The following ENTHD1 variants were observed in gnomAD, a reference collection of about 807,000 sequenced individuals.
ENTHD1 encodes the protein ENTH domain-containing protein 1.
In ENTHD1, 23 loss-of-function variants were observed where a neutral mutation model predicts 39.1. That is an observed-to-expected ratio of 0.59 (90% CI 0.42 to 0.83). The LOEUF (loss-of-function observed/expected upper bound fraction) is 0.83, where lower values mean the gene tolerates loss of function less well. ENTHD1 is among the 40% of genes least tolerant of loss of function. ENTHD1 has a pLI of 0.00. For missense variants in ENTHD1, 624 were observed against 705.4 expected, an observed-to-expected ratio of 0.88 and a Z score of 1.31; for synonymous variants, 230 against 258.2, an observed-to-expected ratio of 0.89 and a Z score of 1.05.
chr22:39,876,750 T>C (rs1175117066), intron 2 of ENTHD1, among the ~76,000 whole-genome samples: 3 of 152,186 alleles, frequency 2.0e-5, no homozygotes, highest in African/African-American at 7.2e-5. Context: ...AAGTAATTTG[T>C]AGTGAAGAAA....
intron 5 of ENTHD1, among the ~76,000 whole-genome samples, chr22:39,795,545 A>C (rs2065541622): frequency 6.6e-6 from 1 of 150,798 alleles, no homozygotes; most frequent in Non-Finnish European, 1.5e-5. Context: ...CTCCCATTTC[A>C]GCCTCCCAAG....
At chr22:39,834,247 T>C (rs1203273567) in intron 4 of ENTHD1, among the ~76,000 whole-genome samples, 2 of 152,102 alleles carry the variant, frequency 1.3e-5, no homozygotes, top group Non-Finnish European at 2.9e-5. Context: ...GACAAAGAAC[T>C]TATATCCAGA....
chr22:39,864,525 A>ATTGTTTG (rs2146730785), intron 2 of ENTHD1, among the ~76,000 whole-genome samples: 1 of 152,158 alleles, frequency 6.6e-6, no homozygotes, highest in African/African-American at 2.4e-5. Context: ...TTACTTATTT[A>ATTGTTTG]TTGTTTGTTT....
At chr22:39,749,856 T>A (rs2065135383) in intron 6 of ENTHD1, among the ~76,000 whole-genome samples, 1 of 152,178 alleles carries the variant, frequency 6.6e-6, no homozygotes, top group South Asian at 2.1e-4. Flanking sequence ...GGCTGGGCAC[T>A]GGGTTGATCT....
At chr22:39,777,182 G>C (rs2065371688) in intron 5 of ENTHD1, among the ~76,000 whole-genome samples, 1 of 152,236 alleles carries the variant, frequency 6.6e-6, no homozygotes, top group Admixed American at 6.5e-5. Flanking sequence ...TTTGCTAAGA[G>C]GCCACAGTTA....
chr22:39,756,316 T>TCA (rs924008247), intron 6 of ENTHD1, among the ~76,000 whole-genome samples: 16,053 of 137,684 alleles, frequency 0.12, 986 homozygotes, highest in Middle Eastern at 0.14. Flanking sequence ...TCTCTCTCTC[T>TCA]CACACACACA....
chr22:39,829,788 C>CTCAA (rs893506616), intron 4 of ENTHD1, among the ~76,000 whole-genome samples: 2 of 93,814 alleles, frequency 2.1e-5, no homozygotes, highest in African/African-American at 7.2e-5. Context: ...GAGACTCTGT[C>CTCAA]TCAATAAATA....
intron 3 of ENTHD1, among the ~76,000 whole-genome samples, chr22:39,850,077 A>G (rs1232349533): frequency 1.3e-5 from 2 of 152,164 alleles, no homozygotes; most frequent in African/African-American, 2.4e-5. Flanking sequence ...AGATTTTTGG[A>G]AATGTAAAGA....
In ENTHD1 at chr22:39,806,051, C is replaced by G. The variant is rs572893951; in HGVS notation, c.832+14942G>C. ...CTCATTCACTTGTAGCCCTCTACAA[C>G]CTACTAATTTCAGTGAATACCCCAA... is the stretch of plus-strand genomic sequence containing the variant. On this transcript the variant is annotated intron_variant, in intron 5 of 6. Transcript: ENST00000325157. 3.3e-5 allele frequency among the ~76,000 whole-genome samples: 5 copies of G among 152,296 alleles called. No homozygotes were observed. The East Asian group carries it at 9.6e-4, about 29-fold the overall frequency.
At position 39,889,992 on chromosome 22, in the gene ENTHD1, G is replaced by A. The variant is rs541103004; in HGVS notation, c.-155-2089C>T. Among the ~76,000 whole-genome samples the A allele has an allele frequency of 4.1e-4, 63 of 152,018 alleles. No individual in the cohort carries two copies. The South Asian group carries it at 0.012, about 29-fold the overall frequency. ...ACACACCTGTAATCCCAGCTACTTG[G>A]GAGACTGAGGCATAAGAATCACTGG... On this transcript the variant is annotated intron_variant, in intron 1 of 6. Coordinates refer to ENST00000325157, the MANE Select transcript of ENTHD1 (RefSeq NM_152512.4).
At chr22:39,792,773 C>T (rs993732879) in intron 5 of ENTHD1, among the ~76,000 whole-genome samples, 1 of 152,116 alleles carries the variant, frequency 6.6e-6, no homozygotes, top group Non-Finnish European at 1.5e-5. Flanking sequence ...CATCGTTTTT[C>T]TTTGAATGTC....
chr22:39,803,384 C>T (rs2065614818), intron 5 of ENTHD1, among the ~76,000 whole-genome samples: 2 of 152,126 alleles, frequency 1.3e-5, no homozygotes. Flanking sequence ...ACTACCCTAA[C>T]TAAAGTTGTT....
intron 2 of ENTHD1, among the ~76,000 whole-genome samples, chr22:39,878,241 A>G (rs2066307388): frequency 6.6e-6 from 1 of 152,240 alleles, no homozygotes; most frequent in African/African-American, 2.4e-5. Context: ...TCTCAATAGA[A>G]ACCACTAAAA....
chr22:39,810,851 A>G (rs940009991), intron 5 of ENTHD1, among the ~76,000 whole-genome samples: 1 of 152,206 alleles, frequency 6.6e-6, no homozygotes, highest in Admixed American at 6.5e-5. Context: ...GAATCAGTTA[A>G]CTTTCATGTG....
At chr22:39,803,510 G>C (rs2065615750) in intron 5 of ENTHD1, among the ~76,000 whole-genome samples, 1 of 152,138 alleles carries the variant, frequency 6.6e-6, no homozygotes, top group Admixed American at 6.5e-5. Context: ...CTTGAAGGCA[G>C]AGTCTGCCAT....
chr22:39,801,678 G>T (rs10483199), intron 5 of ENTHD1, among the ~76,000 whole-genome samples: 4,629 of 152,290 alleles, frequency 0.03, 238 homozygotes, highest in African/African-American at 0.11. Flanking sequence ...ACTTCAGGAA[G>T]AATGAAGCTG....
At chr22:39,783,957 G>A (rs990430001) in intron 5 of ENTHD1, among the ~76,000 whole-genome samples, 1 of 152,084 alleles carries the variant, frequency 6.6e-6, no homozygotes, top group African/African-American at 2.4e-5. Flanking sequence ...ACAAAGTGAA[G>A]AGGCAACCCA....
At chr22:39,881,716 A>G (rs934039648) in intron 2 of ENTHD1, among the ~76,000 whole-genome samples, 1 of 152,194 alleles carries the variant, frequency 6.6e-6, no homozygotes, top group Non-Finnish European at 1.5e-5. Context: ...ATGGGGAAAA[A>G]CGAAACAGAA....
intron 2 of ENTHD1, among the ~76,000 whole-genome samples, chr22:39,862,983 G>A (rs1280080958): frequency 6.6e-6 from 1 of 152,132 alleles, no homozygotes; most frequent in Non-Finnish European, 1.5e-5. Context: ...TCTGTCACAT[G>A]AGGACACAGC....
Sources: gnomAD v4.1 joint callset for allele counts (sites outside exome capture counted in the v4.1 genomes callset) on GRCh38, gnomAD v4.1.1 for gene constraint, MANE v1.5 for transcripts, NCBI Gene and HGNC (gene_info 2026-07-23, HGNC 2026-07-21) for gene names.